Variants in ZNF407 observed in about 807,000 individuals in gnomAD.
ZNF407 encodes zinc finger protein 407.
In ZNF407, 17 loss-of-function variants were observed where a neutral mutation model predicts 131.2. The ratio of observed to expected loss-of-function variants is 0.13; its 90% CI spans 0.09 to 0.19. The LOEUF (loss-of-function observed/expected upper bound fraction) is 0.19, where lower values mean the gene tolerates loss of function less well. ZNF407 is among the 10% of genes least tolerant of loss of function. The pLI, the probability that ZNF407 is intolerant of heterozygous loss-of-function variation, is 1.00. For missense variants in ZNF407, 2,681 were observed against 2,830.6 expected, an observed-to-expected ratio of 0.95 and a Z score of 1.20; for synonymous variants, 1,156 against 1,062.0, an observed-to-expected ratio of 1.09 and a Z score of -1.72.
At chr18:74,757,830 G>A (rs1179562579) in intron 3 of ZNF407, among the ~76,000 whole-genome samples, 1 of 151,992 alleles carries the variant, frequency 6.6e-6, no homozygotes, top group Non-Finnish European at 1.5e-5. Flanking sequence ...TAGTACGTTT[G>A]TGTTTGTTCA....
intron 1 of ZNF407, among the ~76,000 whole-genome samples, chr18:74,604,359 G>C (rs1032760166): frequency 8.4e-6 from 1 of 118,718 alleles, no homozygotes; most frequent in Admixed American, 1.0e-4. Context: ...TTGCTTGTCT[G>C]CTATGTCCAC....
chr18:74,969,515 G>A (rs1362860023), intron 8 of ZNF407, among the ~76,000 whole-genome samples: 2 of 152,194 alleles, frequency 1.3e-5, no homozygotes, highest in Non-Finnish European at 2.9e-5. Flanking sequence ...TTGCTTGTTT[G>A]ATCTGAGGCT....
chr18:74,810,112 G>C (rs745659655), intron 4 of ZNF407, among the ~76,000 whole-genome samples: 5 of 152,206 alleles, frequency 3.3e-5, no homozygotes, highest in Admixed American at 3.3e-4. Flanking sequence ...AATTGTAGAA[G>C]TGAAGGTAGA....
At chr18:74,992,303 T>C (rs192748749) in intron 8 of ZNF407, among the ~76,000 whole-genome samples, 4 of 152,032 alleles carry the variant, frequency 2.6e-5, no homozygotes, top group Admixed American at 2.0e-4. Flanking sequence ...ATAGTGGGGG[T>C]TGGGAGTTCT....
intron 8 of ZNF407, among the ~76,000 whole-genome samples, chr18:74,962,182 T>G (rs1481441119): frequency 6.6e-6 from 1 of 152,218 alleles, no homozygotes; most frequent in Non-Finnish European, 1.5e-5. Context: ...ATCAGGGACA[T>G]TTTCATGTCA....
chr18:74,784,118 A>G (rs1210945126), intron 4 of ZNF407, among the ~76,000 whole-genome samples: 1 of 152,220 alleles, frequency 6.6e-6, no homozygotes. Context: ...CAGTCTGGGC[A>G]CAACTGTTCT....
intron 5 of ZNF407, 112 bp downstream of exon 5, chr18:74,877,475 T>G (rs1971175308): frequency 9.8e-7 from 1 of 1,023,750 alleles, no homozygotes. Flanking sequence ...GGAAATGATG[T>G]CCTGCTTTAA....
intron 4 of ZNF407, 25 bp from the exon 5 acceptor site, chr18:74,877,172 A>G: frequency 1.9e-6 from 3 of 1,611,578 alleles, no homozygotes; most frequent in South Asian, 1.1e-5. Flanking sequence ...CCATATTTAT[A>G]TTGTTTTCTC....
chr18:74,900,556 A>G (rs1024467856), intron 7 of ZNF407, among the ~76,000 whole-genome samples: 3 of 152,230 alleles, frequency 2.0e-5, no homozygotes, highest in Non-Finnish European at 4.4e-5. Flanking sequence ...TAGTGTAATC[A>G]TGTAACAAAC....
chr18:74,664,711 T>C (rs770856688), intron 3 of ZNF407, among the ~76,000 whole-genome samples: 1 of 152,114 alleles, frequency 6.6e-6, no homozygotes, highest in Non-Finnish European at 1.5e-5. Context: ...TGTCTCTCTC[T>C]CTCTTTCTCT....
intron 7 of ZNF407, among the ~76,000 whole-genome samples, chr18:74,907,511 A>G (rs1160021918): frequency 6.6e-6 from 1 of 152,054 alleles, no homozygotes. Context: ...AACATCAGTA[A>G]CCGTACATGG....
At chr18:74,847,203 T>C (rs938428108) in intron 4 of ZNF407, among the ~76,000 whole-genome samples, 8 of 152,184 alleles carry the variant, frequency 5.3e-5, no homozygotes, top group African/African-American at 1.9e-4. Context: ...AAAACAGTGT[T>C]TCCCCCTACA....
At chr18:74,945,774 A>T (rs934087304) in intron 8 of ZNF407, among the ~76,000 whole-genome samples, 1 of 152,102 alleles carries the variant, frequency 6.6e-6, no homozygotes, top group Admixed American at 6.5e-5. Context: ...CCTCTTACCC[A>T]GGCAAGGTGT....
At chr18:74,607,352 G>T (rs568741883) in intron 1 of ZNF407, among the ~76,000 whole-genome samples, 2 of 152,138 alleles carry the variant, frequency 1.3e-5, no homozygotes, top group African/African-American at 2.4e-5. Flanking sequence ...CTCTCAGGCC[G>T]CTTGTAAGAG....
intron 4 of ZNF407, among the ~76,000 whole-genome samples, chr18:74,852,524 C>T (rs936982168): frequency 1.3e-5 from 2 of 151,918 alleles, no homozygotes; most frequent in Non-Finnish European, 2.9e-5. Context: ...TATTTCTGAG[C>T]AAGTTTTCTC....
chr18:74,740,685 C>T (rs945323276), intron 3 of ZNF407, among the ~76,000 whole-genome samples: 2 of 152,096 alleles, frequency 1.3e-5, no homozygotes, highest in African/African-American at 2.4e-5. Flanking sequence ...GGGCTTTAGA[C>T]CACTCCTGGG....
chr18:74,679,300 A>G (rs998463194), intron 3 of ZNF407, among the ~76,000 whole-genome samples: 1 of 152,160 alleles, frequency 6.6e-6, no homozygotes, highest in African/African-American at 2.4e-5. Flanking sequence ...CATTTGTTTT[A>G]CCTACTCAGT....
intron 3 of ZNF407, among the ~76,000 whole-genome samples, chr18:74,768,137 A>C (rs1241281394): frequency 6.6e-6 from 1 of 152,104 alleles, no homozygotes; most frequent in African/African-American, 2.4e-5. Context: ...TATTTTTTAA[A>C]AGTACCCTTA....
chr18:74,731,280 C>T lies in ZNF407; in HGVS notation c.4803-50148C>T, dbSNP rs189543803. ...ATAAGCTTCCTTTAATTTAGAAAGACGGTACCGTTGGTAAGATGCATTTCG... is the reference window on the plus strand; with the variant it reads ...ATAAGCTTCCTTTAATTTAGAAAGATGGTACCGTTGGTAAGATGCATTTCG... On this transcript the variant is annotated intron_variant, in intron 3 of 8. Coordinates refer to ENST00000299687, the MANE Select transcript of ZNF407 (RefSeq NM_017757.3). Among the ~76,000 whole-genome samples, 18 of 152,250 alleles carry T rather than the reference C, an allele frequency of 1.2e-4. No homozygotes were observed. The East Asian group carries it at 1.5e-3, about 13-fold the overall frequency.
Sources: allele counts gnomAD v4.1 joint callset (sites outside exome capture counted in the v4.1 genomes callset), GRCh38; gene constraint gnomAD v4.1.1; transcripts MANE v1.5; gene names NCBI Gene and HGNC (gene_info 2026-07-23, HGNC 2026-07-21).